NOL4L: variants seen among roughly 807,000 people sequenced by gnomAD.
NOL4L encodes nucleolar protein 4-like.
A neutral mutation model predicts 64.5 loss-of-function variants in NOL4L; 7 were observed. The ratio of observed to expected loss-of-function variants is 0.11; its 90% CI spans 0.06 to 0.20. The LOEUF is 0.20. Ranked by LOEUF, NOL4L falls within the 10% of genes least tolerant of loss-of-function variation. NOL4L has a pLI of 1.00. For missense variants in NOL4L, 680 were observed against 967.1 expected (o/e 0.70, Z 3.94); for synonymous variants, 413 against 401.0 (o/e 1.03, Z -0.36).
At chr20:32,454,659 T>C (rs1157653072) in intron 6 of NOL4L, among the ~76,000 whole-genome samples, 1 of 152,216 alleles carries the variant, frequency 6.6e-6, no homozygotes, top group Non-Finnish European at 1.5e-5. Context: ...ACTGTTGCCT[T>C]TCGGAAAGTT....
intron 5 of NOL4L, among the ~76,000 whole-genome samples, chr20:32,458,714 GCTC>G (rs2013780562): frequency 6.6e-6 from 1 of 152,254 alleles, no homozygotes; most frequent in Non-Finnish European, 1.5e-5. Flanking sequence ...ATGAGGGGCT[GCTC>G]CTCAGTGGGC....
intron 4 of NOL4L, among the ~76,000 whole-genome samples, chr20:32,488,822 T>TC (rs1568648686): frequency 3.9e-4 from 7 of 17,824 alleles, no homozygotes; most frequent in South Asian, 1.8e-3. Context: ...TCTTTCTTTC[T>TC]TTCTTTTTCT....
At chr20:32,468,218 AT>A (rs1368387213) in intron 5 of NOL4L, among the ~76,000 whole-genome samples, 1 of 152,018 alleles carries the variant, frequency 6.6e-6, no homozygotes, top group Non-Finnish European at 1.5e-5. Flanking sequence ...GATGCCACAT[AT>A]TGGGCCCGAC....
chr20:32,493,665 A>C (rs556758843), intron 4 of NOL4L, among the ~76,000 whole-genome samples: 3 of 152,250 alleles, frequency 2.0e-5, no homozygotes, highest in Non-Finnish European at 4.4e-5. Flanking sequence ...AGTTATGGAT[A>C]GTGATGGTAC....
chr20:32,561,639 G>C (rs1168796764), intron 1 of NOL4L, among the ~76,000 whole-genome samples: 1 of 152,140 alleles, frequency 6.6e-6, no homozygotes, highest in Admixed American at 6.5e-5. Context: ...CCCAGCCAGG[G>C]TTGGGCTTGG....
chr20:32,512,739 C>T (rs954943346), intron 3 of NOL4L, among the ~76,000 whole-genome samples: 1 of 151,926 alleles, frequency 6.6e-6, no homozygotes, highest in African/African-American at 2.4e-5. Flanking sequence ...TCCCCAACAT[C>T]AAGAATCTTA....
chr20:32,563,326 G>A (rs116156251), intron 1 of NOL4L, among the ~76,000 whole-genome samples: 3,405 of 149,064 alleles, frequency 0.023, 159 homozygotes, highest in African/African-American at 0.081. Context: ...GGGTGAAGGG[G>A]AGGGAGGGAG....
In NOL4L at chr20:32,475,028, C is replaced by A. The variant is rs576832183; in HGVS notation, c.700-286G>T. On this transcript the variant is annotated intron_variant, in intron 4 of 10. Coordinates refer to ENST00000621426, the MANE Select transcript of NOL4L (RefSeq NM_001256798.2). ...CAGGGGCGGATGGCAGGGCCTGGCT[C>A]TTACCCTTGTGAGCCAAGGTTGAAA... 8.2e-5 allele frequency: 81 copies of A among 985,450 alleles called. No homozygotes were observed. The South Asian group carries it at 3.4e-3, about 42-fold the overall frequency. The allele number at this position is 985,450 out of a possible 1,614,324, so 61.0% of individuals were successfully genotyped here.
chr20:32,585,099 C>T lies in NOL4L; in HGVS notation c.-209G>A. The stretch of plus-strand genomic sequence containing the variant: ...CTCTGTCCTGCTCGGGCGGCGGCGG[C>T]GGCGTTGGCGGCGGCGGCTCCGGCT... On this transcript the variant is annotated 5_prime_UTR_variant, in exon 1 of 11. Transcript: ENST00000621426. The T allele has an allele frequency of 6.4e-6, 1 of 157,022 alleles. No homozygotes were observed. The highest frequency in any genetic ancestry group is 1.7e-4 in the South Asian group (1 of 5,764). 9.7% of individuals were successfully genotyped at this position (157,022 alleles called of 1,614,324 possible).
At position 32,474,751 on chromosome 20, in the gene NOL4L, G is replaced by A; in HGVS notation, c.700-9C>T. 1 of 1,599,278 alleles carries A rather than the reference G, an allele frequency of 6.3e-7. No individual in the cohort carries two copies. Reference sequence around the variant, plus strand: ...CTCACAGAAGTCTCATCCTGAGCAGGGACAAAGAAGGTGGGCATTCAGCAG... The same window carrying A: ...CTCACAGAAGTCTCATCCTGAGCAGAGACAAAGAAGGTGGGCATTCAGCAG... On this transcript the variant is annotated splice_polypyrimidine_tract_variant and intron_variant, in intron 4 of 10. Transcript: ENST00000621426.
intron 5 of NOL4L, among the ~76,000 whole-genome samples, chr20:32,462,766 G>A (rs750139674): frequency 6.6e-6 from 1 of 151,930 alleles, no homozygotes; most frequent in African/African-American, 2.4e-5. Flanking sequence ...TTAGCTGGGC[G>A]TGGTGGTGCA....
chr20:32,478,909 A>G (rs551178726), intron 4 of NOL4L, among the ~76,000 whole-genome samples: 63 of 152,316 alleles, frequency 4.1e-4, no homozygotes, highest in African/African-American at 1.5e-3. Context: ...TTAAGTGAGA[A>G]ATCAAGTCTA....
intron 4 of NOL4L, among the ~76,000 whole-genome samples, chr20:32,488,793 T>C (rs1327950780): frequency 3.7e-5 from 1 of 26,902 alleles, no homozygotes; most frequent in Non-Finnish European, 5.8e-5. Context: ...CTTCCTTCCT[T>C]TCTTTCTTTC....
chr20:32,580,303 C>G (rs1462685951), intron 1 of NOL4L, among the ~76,000 whole-genome samples: 1 of 152,128 alleles, frequency 6.6e-6, no homozygotes, highest in East Asian at 1.9e-4. Context: ...AGTAGGTGAC[C>G]CCCGAAACAG....
intron 1 of NOL4L, among the ~76,000 whole-genome samples, chr20:32,578,031 T>C (rs912377472): frequency 2.6e-5 from 4 of 151,732 alleles, no homozygotes; most frequent in Non-Finnish European, 5.9e-5. Flanking sequence ...TACAGTTCCA[T>C]TTTACTGATG....
At chr20:32,524,617 T>C (rs182383181) in intron 2 of NOL4L, among the ~76,000 whole-genome samples, 4 of 152,034 alleles carry the variant, frequency 2.6e-5, no homozygotes, top group Non-Finnish European at 5.9e-5. Context: ...AACACAGAGA[T>C]AGATCCAAAA....
intron 5 of NOL4L, among the ~76,000 whole-genome samples, chr20:32,462,998 G>T (rs912802645): frequency 6.6e-6 from 1 of 152,022 alleles, no homozygotes; most frequent in African/African-American, 2.4e-5. Context: ...GGCAGGGATG[G>T]TGCTGGTGTA....
At chr20:32,523,803 A>G (rs548022704) in intron 2 of NOL4L, among the ~76,000 whole-genome samples, 11 of 152,184 alleles carry the variant, frequency 7.2e-5, no homozygotes, top group African/African-American at 2.6e-4. Context: ...TGCCTTTCAC[A>G]TTTTTCCTGG....
At chr20:32,469,085 ACAGGGTCAGGCTGGGCACACAG>A (rs1022161079) in intron 5 of NOL4L, among the ~76,000 whole-genome samples, 55 of 152,086 alleles carry the variant, frequency 3.6e-4, no homozygotes, top group Admixed American at 2.1e-3. Context: ...CTCTGGGCTC[ACAGGGTCAGGCTGGGCACACAG>A]CAGGGTCAGG....
Sources: allele counts gnomAD v4.1 joint callset (sites outside exome capture counted in the v4.1 genomes callset), GRCh38; gene constraint gnomAD v4.1.1; transcripts MANE v1.5; gene names NCBI Gene and HGNC (gene_info 2026-07-23, HGNC 2026-07-21).